Variants in FAM120B observed in about 807,000 individuals in gnomAD.
The protein encoded by FAM120B is constitutive coactivator of peroxisome proliferator-activated receptor gamma.
In FAM120B, 83 loss-of-function variants were observed where a neutral mutation model predicts 96.3. The observed-to-expected ratio is 0.86, with a 90% confidence interval of 0.72 to 1.03. The LOEUF (loss-of-function observed/expected upper bound fraction) is 1.03. Among genes scored for constraint, FAM120B ranks in the 50% least tolerant of loss-of-function variants. The pLI, the probability that FAM120B is intolerant of heterozygous loss-of-function variation, is 0.00. For missense variants in FAM120B, 1,027 were observed against 1,121.2 expected (o/e 0.92, Z 1.20); for synonymous variants, 407 against 402.7 (o/e 1.01, Z -0.13).
At chr6:170,397,788 C>G (rs1778259162) in intron 9 of FAM120B, among the ~76,000 whole-genome samples, 1 of 152,206 alleles carries the variant, frequency 6.6e-6, no homozygotes, top group Admixed American at 6.5e-5. Flanking sequence ...CCAGGCCAAC[C>G]TTGATGACAT....
rs1448634589 is a variant in FAM120B, at chr6:170,295,832, G to A, written c.48+379G>A. On this transcript the variant is annotated intron_variant, in intron 1 of 10. Transcript: ENST00000537664. This position sits in a 1 kb window ranked among gnomAD's most constrained non-coding sequence, Gnocchi z 7.8. ...GAACCGCGCCACGGGCCCGCGAGACGCCCACCTCTCGCGTGCGTGGAGCCC... is the reference window on the plus strand; with the variant it reads ...GAACCGCGCCACGGGCCCGCGAGACACCCACCTCTCGCGTGCGTGGAGCCC... Among the ~76,000 whole-genome samples the A allele has an allele frequency of 6.6e-6, 1 of 152,220 alleles. No homozygotes were observed. The highest frequency in any genetic ancestry group is 2.4e-5 in the African/African-American group (1 of 41,564).
chr6:170,354,376 T>G (rs989417783), intron 5 of FAM120B, among the ~76,000 whole-genome samples: 3 of 152,092 alleles, frequency 2.0e-5, no homozygotes, highest in African/African-American at 7.2e-5. Flanking sequence ...GACTTCATGA[T>G]GAAAACACCA....
intron 5 of FAM120B, among the ~76,000 whole-genome samples, chr6:170,354,421 G>C (rs1315341727): frequency 1.3e-5 from 2 of 152,134 alleles, no homozygotes; most frequent in East Asian, 3.8e-4. Context: ...ATTGACAAAT[G>C]GGATCTAATT....
intron 4 of FAM120B, among the ~76,000 whole-genome samples, chr6:170,342,087 A>C (rs1267263016): frequency 6.6e-6 from 1 of 152,218 alleles, no homozygotes; most frequent in Non-Finnish European, 1.5e-5. Flanking sequence ...GTTTGAGGGC[A>C]GGAAGCATCC....
intron 3 of FAM120B, among the ~76,000 whole-genome samples, chr6:170,327,356 TTA>T (rs1253868046): frequency 1.3e-5 from 2 of 152,218 alleles, no homozygotes; most frequent in Non-Finnish European, 2.9e-5. Context: ...AACTTGAATT[TTA>T]TAGAGTATAA....
chr6:170,340,958 C>T lies in FAM120B; in HGVS notation c.2018-7193C>T, dbSNP rs181664061. On this transcript the variant is annotated intron_variant, in intron 4 of 10. Coordinates refer to ENST00000476287, the MANE Select transcript of FAM120B (RefSeq NM_032448.3). The stretch of plus-strand genomic sequence containing the variant: ...GGAGGTCTCTCCCAGTCAGGAGGCA[C>T]GGGGATGAGGGACCCATTGAGGAAG... Among the ~76,000 whole-genome samples, 804 of 152,332 alleles carry T rather than the reference C, an allele frequency of 5.3e-3. 5 individuals are homozygous for T. The highest frequency in any genetic ancestry group is 6.8e-3 in the Middle Eastern group (2 of 294).
At position 170,404,560 on chromosome 6, in the gene FAM120B, G is replaced by C; in HGVS notation, c.2703G>C (p.Gln901His). 1.2e-6 allele frequency: 2 copies of C among 1,613,994 alleles called. No homozygotes were observed. Among genetic ancestry groups the C allele is most frequent in the Non-Finnish European group, 1.7e-6 (2 of 1,179,906 alleles). The part of the protein sequence containing the change: ...PWRDQGPGSR[Q>H]YEHDQWRRY Reference sequence around the variant, plus strand: ...GTCTGTTTACTGCAGGAAGCAGACAGTATGAGCATGACCAGTGGAGAAGGT... The same window carrying C: ...GTCTGTTTACTGCAGGAAGCAGACACTATGAGCATGACCAGTGGAGAAGGT... Residue 901 changes from glutamine (Q) to histidine (H), a missense_variant, in exon 10 of 11, where the codon CAG becomes CAC. Gln to His is a conservative substitution (Grantham distance 24). This residue lies in a region of FAM120B where 142 missense variants were observed against 122.5 expected (regional missense o/e 1.16). Transcript: ENST00000476287.
chr6:170,368,105 T>C (rs919153168), intron 6 of FAM120B, among the ~76,000 whole-genome samples: 10 of 152,246 alleles, frequency 6.6e-5, no homozygotes, highest in Non-Finnish European at 1.3e-4. Flanking sequence ...TATTGAAGTG[T>C]AATGTTGCCT....
Position 170,377,768 on chromosome 6 carries a change from T to A in FAM120B, c.2284-10519T>A, listed in dbSNP as rs1219506062. Among the ~76,000 whole-genome samples the A allele has an allele frequency of 2.6e-4, 35 of 136,860 alleles. 1 individual carries two copies. The highest frequency in any genetic ancestry group is 9.4e-4 in the African/African-American group (33 of 35,202). The allele number at this position is 136,860 out of a possible 152,430, so 89.8% of individuals were successfully genotyped here. A position where few individuals can be genotyped will look rare whatever the true frequency, so the allele number is the denominator to read the frequency against. On this transcript the variant is annotated intron_variant, in intron 6 of 10. Coordinates refer to ENST00000476287, the MANE Select transcript of FAM120B (RefSeq NM_032448.3). ...CACAGGCTCACGCTGCTCTGTGCTG[T>A]GCACACGCGTCCCTAATCCCAGATG...
At chr6:170,392,080 TTGTC>T (rs1368693595) in intron 8 of FAM120B, among the ~76,000 whole-genome samples, 4 of 152,246 alleles carry the variant, frequency 2.6e-5, no homozygotes, top group African/African-American at 9.6e-5. Flanking sequence ...CAGAATATCA[TTGTC>T]TGTGGAATCA....
At chr6:170,345,416 C>T (rs1787113952) in intron 4 of FAM120B, among the ~76,000 whole-genome samples, 1 of 152,156 alleles carries the variant, frequency 6.6e-6, no homozygotes, top group African/African-American at 2.4e-5. Flanking sequence ...CCAGCCTGGG[C>T]AACATAGCAA....
At chr6:170,345,025 GCTCCA>G (rs1324524661) in intron 4 of FAM120B, among the ~76,000 whole-genome samples, 3 of 152,272 alleles carry the variant, frequency 2.0e-5, no homozygotes, top group Admixed American at 2.0e-4. Context: ...GTTTCAGTGT[GCTCCA>G]CTGATTGTAA....
intron 6 of FAM120B, among the ~76,000 whole-genome samples, chr6:170,361,239 C>CATATAT (rs1562567285): frequency 1.7e-5 from 1 of 58,788 alleles, no homozygotes; most frequent in Admixed American, 1.9e-4. Context: ...TATATATACA[C>CATATAT]GTATATATAT....
rs112904535 is a variant in FAM120B at position 170,388,257 on chromosome 6, C to G, written c.2284-30C>G. On this transcript the variant is annotated intron_variant, in intron 6 of 10. Coordinates refer to ENST00000476287, the MANE Select transcript of FAM120B (RefSeq NM_032448.3). The stretch of plus-strand genomic sequence containing the variant: ...TCCTGCATGTGTGACTCCTGTCTTA[C>G]ATTTTTGGTGTGTGTTCTGGTCTCC... The G allele has an allele frequency of 1.8e-4, 286 of 1,602,288 alleles. No individual in the cohort carries two copies. In the African/African-American group the frequency reaches 3.2e-3, roughly 18 times the overall value.
At chr6:170,390,446 C>G (rs1469645329) in intron 7 of FAM120B, among the ~76,000 whole-genome samples, 3 of 150,746 alleles carry the variant, frequency 2.0e-5, no homozygotes, top group Non-Finnish European at 4.4e-5. Flanking sequence ...ATCTCTTGAC[C>G]AAGTTCCAAG....
chr6:170,337,800 T>G (rs1786540962), intron 4 of FAM120B, among the ~76,000 whole-genome samples: 2 of 152,206 alleles, frequency 1.3e-5, no homozygotes, highest in South Asian at 4.1e-4. Flanking sequence ...TCTTCTAGAT[T>G]TTCTAGTTTA....
chr6:170,383,197 AC>A (rs112968676), intron 6 of FAM120B, among the ~76,000 whole-genome samples: 28 of 152,298 alleles, frequency 1.8e-4, no homozygotes, highest in African/African-American at 6.5e-4. Context: ...TAAAACTATT[AC>A]ACTTTTGGGA....
At chr6:170,357,370 C>T (rs898718077) in intron 5 of FAM120B, among the ~76,000 whole-genome samples, 15 of 152,108 alleles carry the variant, frequency 9.9e-5, no homozygotes, top group African/African-American at 2.4e-4. Flanking sequence ...CTGGACCGTC[C>T]GTGTCTTCCC....
In FAM120B at chr6:170,348,099, A is replaced by G. The variant is rs372289478; in HGVS notation, c.2018-52A>G. ...ACTGTATTTCTACAAGGAGCATATT[A>G]TAACTCTGTGCTGCAAAGAACAATA... On this transcript the variant is annotated intron_variant, in intron 4 of 10. Coordinates refer to ENST00000476287, the MANE Select transcript of FAM120B (RefSeq NM_032448.3). 1.3e-4 allele frequency: 193 copies of G among 1,458,522 alleles called. 1 individual carries two copies. The African/African-American group carries it at 2.4e-3, about 18-fold the overall frequency. 90.3% of individuals were successfully genotyped at this position (1,458,522 alleles called of 1,614,324 possible). A position where few individuals can be genotyped will look rare whatever the true frequency, so the allele number is the denominator to read the frequency against.
Sources: gnomAD v4.1 joint callset for allele counts (sites outside exome capture counted in the v4.1 genomes callset) on GRCh38, gnomAD v4.1.1 for gene constraint, gnomAD v4.1.1 regional missense constraint, Gnocchi (gnomAD v3.1) non-coding constraint, MANE v1.5 for transcripts, NCBI Gene and HGNC (gene_info 2026-07-23, HGNC 2026-07-21) for gene names.